The following LAMA5 variants were observed in gnomAD, a reference collection of about 807,000 sequenced individuals.
LAMA5 encodes laminin subunit alpha 5, also known as laminin subunit alpha-5.
Under a neutral mutation model 433.4 loss-of-function variants are expected in LAMA5, and 260 were observed. The observed-to-expected ratio is 0.60, with a 90% CI of 0.54 to 0.66. LAMA5 has a LOEUF of 0.66. Ranked by LOEUF, LAMA5 falls within the 30% of genes least tolerant of loss-of-function variation. The pLI, the probability that LAMA5 is intolerant of heterozygous loss-of-function variation, is 0.00. For synonymous variants in LAMA5, 2,620 were observed against 2,226.6 expected (o/e 1.18, Z -4.97); for missense variants, 5,378 against 5,258.5 (o/e 1.02, Z -0.70).
rs1470693598 is a variant in LAMA5 at position 62,338,262 on chromosome 20, G to T, written c.1726C>A (p.Pro576Thr). 1 of 1,600,750 alleles carries T rather than the reference G, an allele frequency of 6.2e-7. No homozygotes were observed. Among genetic ancestry groups the T allele is most frequent in the East Asian group, 2.3e-5 (1 of 44,342 alleles). Reference protein sequence around the residue: ...FEGATCDRCAPGYFHFPLCQL... With the variant: ...FEGATCDRCATGYFHFPLCQL... ...CAGAGAGGGAAGTGAAAGTAGCCGGGGGCACAGCGATCACATGTGGCCCCC... is the reference window on the plus strand; with the variant it reads ...CAGAGAGGGAAGTGAAAGTAGCCGGTGGCACAGCGATCACATGTGGCCCCC... Residue 576 changes from proline to threonine, a missense_variant, in exon 13 of 80, where the codon CCC (proline) becomes ACC (threonine). Physicochemically the swap from Pro to Thr is conservative, Grantham distance 38. Transcript: ENST00000252999.
At position 62,333,216 on chromosome 20, in the gene LAMA5, C is replaced by T. The variant is rs1000529654; in HGVS notation, c.3156G>A (p.Leu1052=). Residue 1052 remains leucine (L), a synonymous_variant, in exon 26 of 80, where the codon CTG becomes CTA. Transcript: ENST00000252999. ...DNCLLYTHLP[L]DGFPSAAGLE... ...GCCCGGCGGCCGAGGGGAAGCCATC[C>T]AGGGGGAGGTGTGTGTAGAGGAGGC... is the stretch of plus-strand genomic sequence containing the variant. The T allele has an allele frequency of 1.3e-6, 2 of 1,526,266 alleles. No homozygotes were observed. The highest frequency in any genetic ancestry group is 8.8e-7 in the Non-Finnish European group (1 of 1,136,440). 94.5% of individuals were successfully genotyped at this position (1,526,266 alleles called of 1,614,324 possible).
chr20:62,327,506 T>A (rs1206998856), intron 37 of LAMA5, 23 bp downstream of exon 37: 2 of 1,612,164 alleles, frequency 1.2e-6, no homozygotes, highest in Admixed American at 1.7e-5. Flanking sequence ...GAGAAGGCAA[T>A]GCCCTCAGTC....
At chr20:62,316,858 C>A in intron 56 of LAMA5, 24 bp downstream of exon 56, 1 of 1,533,974 alleles carries the variant, frequency 6.5e-7, no homozygotes. Flanking sequence ...CCTGCTGGGG[C>A]TGAGGGGAAG....
chr20:62,328,080 A>AC (rs1217954456), intron 35 of LAMA5, 70 bp from the exon 36 acceptor site: 16 of 1,588,256 alleles, frequency 1.0e-5, no homozygotes, highest in African/African-American at 2.7e-5. Flanking sequence ...CCTCGTAGGC[A>AC]CCCCCCACCC....
intron 2 of LAMA5, 83 bp from the exon 3 acceptor site, chr20:62,353,334 A>G (rs1984660856): frequency 1.0e-6 from 1 of 996,762 alleles, no homozygotes; most frequent in Non-Finnish European, 1.5e-6. Flanking sequence ...TCTGCCCCTC[A>G]GGTGAGGCCA....
chr20:62,313,668 C>G lies in LAMA5; in HGVS notation c.8639G>C (p.Gly2880Ala). 1 of 1,612,772 alleles carries G rather than the reference C, an allele frequency of 6.2e-7. No homozygotes were observed. The highest frequency in any genetic ancestry group is 8.5e-7 in the Non-Finnish European group (1 of 1,179,952). ...GCTCACCGTGAAGGTACTGGGGTAC[C>G]CCCCGACGTAGAAGACGAAGTCGTC... Reference protein sequence around the residue: ...RPDDFVFYVGGYPSTFTPPPL... With the variant: ...RPDDFVFYVGAYPSTFTPPPL... The change falls in exon 63 of 80, where the codon GGG (glycine) becomes GCG (alanine). Residue 2880 changes from glycine to alanine, a missense_variant. Coordinates refer to ENST00000252999, the MANE Select transcript of LAMA5 (RefSeq NM_005560.6).
chr20:62,323,436 C>A lies in LAMA5; in HGVS notation c.6064+20G>T, dbSNP rs938452574. Reference sequence around the variant, plus strand: ...CGCGCAACCCTCCCCAGGGTGCATCCCTCCCAGCCCGACGCCTACGGGTGC... The same window carrying A: ...CGCGCAACCCTCCCCAGGGTGCATCACTCCCAGCCCGACGCCTACGGGTGC... On this transcript the variant is annotated intron_variant, in intron 45 of 79. Transcript: ENST00000252999. 36 of 1,519,438 alleles carry A rather than the reference C, an allele frequency of 2.4e-5. No individual in the cohort carries two copies. Among genetic ancestry groups the A allele is most frequent in the Non-Finnish European group, 2.6e-5 (30 of 1,133,474 alleles). The allele number at this position is 1,519,438 out of a possible 1,614,324, so 94.1% of individuals were successfully genotyped here. A position where few individuals can be genotyped will look rare whatever the true frequency, so the allele number is the denominator to read the frequency against.
At chr20:62,354,169 G>A (rs758077153) in intron 2 of LAMA5, among the ~76,000 whole-genome samples, 2 of 152,072 alleles carry the variant, frequency 1.3e-5, no homozygotes, top group Non-Finnish European at 2.9e-5. Flanking sequence ...GCCTGGCTCA[G>A]TCTTCACAGG....
In LAMA5 at chr20:62,318,513, C is replaced by G. The variant is rs201803841; in HGVS notation, c.7180G>C (p.Ala2394Pro). ...LREALNRAVD[A>P]TREAQELNSR... ...TTGAGCTCCTGGGCCTCCCGTGTGGCGTCCACTGCCCGGTTCAAAGCCTCT... is the reference window on the plus strand; with the variant it reads ...TTGAGCTCCTGGGCCTCCCGTGTGGGGTCCACTGCCCGGTTCAAAGCCTCT... Residue 2394 changes from alanine to proline, a missense_variant, in exon 53 of 80, where the codon GCC (alanine) becomes CCC (proline). Coordinates refer to ENST00000252999, the MANE Select transcript of LAMA5 (RefSeq NM_005560.6). 5 of 1,609,212 alleles carry G rather than the reference C, an allele frequency of 3.1e-6. No individual in the cohort carries two copies. In the Admixed American group the frequency reaches 8.4e-5, roughly 27 times the overall value.
At position 62,313,338 on chromosome 20, in the gene LAMA5, C is replaced by T; in HGVS notation, c.8781G>A (p.Arg2927=). 6.4e-7 allele frequency: 1 copy of T among 1,561,994 alleles called. No individual in the cohort carries two copies. The highest frequency in any genetic ancestry group is 1.4e-5 in the African/African-American group (1 of 73,892). The part of the protein sequence containing the change: ...RTFQLDTAVD[R]PCARSKSTGD... ...CAGGCCACACGCACCGGGCACAAGG[C>T]CTGTCCACAGCCGTGTCCAGCTGGA... Residue 2927 remains arginine, a synonymous_variant, in exon 64 of 80, where the codon AGG becomes AGA. Coordinates refer to ENST00000252999, the MANE Select transcript of LAMA5 (RefSeq NM_005560.6).
At chr20:62,312,338 G>T in intron 68 of LAMA5, 22 bp from the exon 69 acceptor site, 2 of 1,603,986 alleles carry the variant, frequency 1.2e-6, no homozygotes, top group South Asian at 2.2e-5. Context: ...CCATCCCTGA[G>T]TGCCCGCGGG....
chr20:62,316,164 A>G (rs1986908101), intron 57 of LAMA5, 106 bp from the exon 58 acceptor site: 1 of 736,862 alleles, frequency 1.4e-6, no homozygotes, highest in Non-Finnish European at 2.3e-6. Flanking sequence ...GACACACAGC[A>G]GACAGATGGA....
chr20:62,315,168 G>A lies in LAMA5; in HGVS notation c.7907C>T (p.Ala2636Val), dbSNP rs758126819. 5.6e-6 allele frequency: 9 copies of A among 1,611,102 alleles called. No homozygotes were observed. Among genetic ancestry groups the A allele is most frequent in the Non-Finnish European group, 7.6e-6 (9 of 1,179,648 alleles). ...GGTGGCGGTGTCCTGGGCTTCAGCA[G>A]CCACAGCCTTGGCATGTGCGATCTT... Reference protein sequence around the residue: ...SKKIAHAKAVAAEAQDTATRV... With the variant: ...SKKIAHAKAVVAEAQDTATRV... Residue 2636 changes from alanine (A) to valine (V), a missense_variant, in exon 59 of 80, where the codon GCT (alanine) becomes GTT (valine). Physicochemically the swap from Ala to Val is moderately conservative, Grantham distance 64. Coordinates refer to ENST00000252999, the MANE Select transcript of LAMA5 (RefSeq NM_005560.6).
In LAMA5 at chr20:62,314,537, A is replaced by C; in HGVS notation, c.8367+18T>G. 1 of 1,605,768 alleles carries C rather than the reference A, an allele frequency of 6.2e-7. No individual in the cohort carries two copies. Reference sequence around the variant, plus strand: ...CAGAGCCTGAGCTCGGGCCGCATCCACCCAGCCAGCCTGGTACCTGGCGGC... The same window carrying C: ...CAGAGCCTGAGCTCGGGCCGCATCCCCCCAGCCAGCCTGGTACCTGGCGGC... On this transcript the variant is annotated intron_variant, in intron 61 of 79. Transcript: ENST00000252999.
At chr20:62,335,671 C>A (rs1981458437) in intron 18 of LAMA5, among the ~76,000 whole-genome samples, 1 of 141,682 alleles carries the variant, frequency 7.1e-6, no homozygotes, top group Non-Finnish European at 1.5e-5. Flanking sequence ...CGGGTGCAGC[C>A]CCTCCGAGGA....
intron 2 of LAMA5, among the ~76,000 whole-genome samples, chr20:62,358,956 C>T (rs941288797): frequency 5.3e-5 from 8 of 152,174 alleles, no homozygotes; most frequent in Admixed American, 4.6e-4. Flanking sequence ...TCACCTGGCA[C>T]TGCTCGCCCC....
intron 28 of LAMA5, among the ~76,000 whole-genome samples, chr20:62,331,330 T>TG (rs563126191): frequency 4.2e-5 from 5 of 120,186 alleles, no homozygotes; most frequent in African/African-American, 1.9e-4. Context: ...GGCGGTACGA[T>TG]GGGGGGGCCG....
In LAMA5 at chr20:62,322,330, C is replaced by T; in HGVS notation, c.6285G>A (p.Met2095Ile). 1.9e-6 allele frequency: 3 copies of T among 1,599,490 alleles called. No individual in the cohort carries two copies. The highest frequency in any genetic ancestry group is 1.1e-5 in the South Asian group (1 of 89,300). ...SGQCHCRPGT[M>I]GPQCRECAPG... ...GGGCACACTCGCGGCACTGGGGTCC[C>T]ATGGTCCCTGGTCGGCAGTGGCACT... The change falls in exon 47 of 80, where the codon ATG (methionine) becomes ATA (isoleucine). Residue 2095 changes from methionine (M) to isoleucine (I), a missense_variant. Physicochemically the swap from Met to Ile is conservative, Grantham distance 10. Coordinates refer to ENST00000252999, the MANE Select transcript of LAMA5 (RefSeq NM_005560.6).
intron 48 of LAMA5, 32 bp downstream of exon 48, chr20:62,321,987 A>AGGTGTGGGGAAGTGG: frequency 1.9e-6 from 3 of 1,585,924 alleles, no homozygotes; most frequent in Non-Finnish European, 2.6e-6. Context: ...CTACTCCATC[A>AGGTGTGGGGAAGTGG]GGTGTGGGGA....
Sources: gnomAD v4.1 joint callset for allele counts (sites outside exome capture counted in the v4.1 genomes callset) on GRCh38, gnomAD v4.1.1 for gene constraint, MANE v1.5 for transcripts, NCBI Gene and HGNC (gene_info 2026-07-23, HGNC 2026-07-21) for gene names.